The following IRX3 variants were observed in gnomAD, a reference collection of about 807,000 sequenced individuals.
IRX3 encodes the protein iroquois homeobox 3.
IRX3 carries 20 observed loss-of-function variants against 36.4 expected under a neutral mutation model. The observed-to-expected ratio is 0.55, with a 90% CI of 0.39 to 0.80. The LOEUF is 0.80. IRX3 is among the 30% of genes least tolerant of loss of function. The pLI is 0.00. For missense variants in IRX3, 718 were observed against 733.2 expected (o/e 0.98, Z 0.24); for synonymous variants, 404 against 351.6 (o/e 1.15, Z -1.67).
In IRX3 at chr16:54,283,666, T is replaced by G; in HGVS notation, c.*20A>C. 1 of 1,189,642 alleles carries G rather than the reference T, an allele frequency of 8.4e-7. No individual in the cohort carries two copies. Among genetic ancestry groups the G allele is most frequent in the Non-Finnish European group, 1.2e-6 (1 of 806,556 alleles). The allele number at this position is 1,189,642 out of a possible 1,614,324, so 73.7% of individuals were successfully genotyped here. A position where few individuals can be genotyped will look rare whatever the true frequency, so the allele number is the denominator to read the frequency against. ...ACGATTAAAAAAAGTTTTTTTTGTT[T>G]TTTTGTTTTTTTTAAAGAACTAGGA... On this transcript the variant is annotated 3_prime_UTR_variant, in exon 4 of 4. Coordinates refer to ENST00000329734, the MANE Select transcript of IRX3 (RefSeq NM_024336.3). This position sits in a 1 kb window ranked among gnomAD's most constrained non-coding sequence, Gnocchi z 4.4.
Position 54,283,949 on chromosome 16 carries a change from G to A in IRX3, c.1452-209C>T, listed in dbSNP as rs1901239873. 2.0e-6 allele frequency: 2 copies of A among 985,246 alleles called. No individual in the cohort carries two copies. Among genetic ancestry groups the A allele is most frequent in the Admixed American group, 6.1e-5 (1 of 16,268 alleles). The allele number at this position is 985,246 out of a possible 1,614,324, so 61.0% of individuals were successfully genotyped here. ...CCGAGGTCTGGGGCTGGAAAGAGGT[G>A]GGCGTCAGAGAACCGCCACCCGCCC... is the stretch of plus-strand genomic sequence containing the variant. On this transcript the variant is annotated intron_variant, in intron 3 of 3. Coordinates refer to ENST00000329734, the MANE Select transcript of IRX3 (RefSeq NM_024336.3). The surrounding 1 kb of genome is among the most constrained non-coding windows in gnomAD (Gnocchi z 4.4).
rs1901246601 is a variant in IRX3 at position 54,284,058 on chromosome 16, G to A, written c.1451+188C>T. 1 of 1,244,988 alleles carries A rather than the reference G, an allele frequency of 8.0e-7. No homozygotes were observed. Among genetic ancestry groups the A allele is most frequent in the Non-Finnish European group, 1.1e-6 (1 of 924,826 alleles). The allele number at this position is 1,244,988 out of a possible 1,614,324, so 77.1% of individuals were successfully genotyped here. A position where few individuals can be genotyped will look rare whatever the true frequency, so the allele number is the denominator to read the frequency against. Reference sequence around the variant, plus strand: ...CTCCGGCCGCGCCTGGGGTGCCTGGGCTGGACCTGGAGAGCTGTCGCAGGG... The same window carrying A: ...CTCCGGCCGCGCCTGGGGTGCCTGGACTGGACCTGGAGAGCTGTCGCAGGG... On this transcript the variant is annotated intron_variant, in intron 3 of 3. Coordinates refer to ENST00000329734, the MANE Select transcript of IRX3 (RefSeq NM_024336.3). The surrounding 1 kb of genome is among the most constrained non-coding windows in gnomAD (Gnocchi z 4.0).
rs1322752662 is a variant in IRX3, at chr16:54,285,740, G to A, written c.267+44C>T. The A allele has an allele frequency of 3.4e-6, 5 of 1,481,734 alleles. No homozygotes were observed. The East Asian group carries it at 7.2e-5, about 21-fold the overall frequency. The allele number at this position is 1,481,734 out of a possible 1,614,324, so 91.8% of individuals were successfully genotyped here. On this transcript the variant is annotated intron_variant, in intron 1 of 3. Transcript: ENST00000329734. The surrounding 1 kb of genome is among the most constrained non-coding windows in gnomAD (Gnocchi z 5.7). ...CCCCCGCGCGCTCAGCTCGCCCTGC[G>A]CCCCAGCGCCAACCCCTCCTTCCCT...
Position 54,285,505 on chromosome 16 carries a change from C to T in IRX3, c.376G>A (p.Gly126Arg). Residue 126 changes from glycine to arginine, a missense_variant, in exon 2 of 4, where the codon GGG becomes AGG. Around this residue, in one of 3 missense-constraint regions of IRX3, gnomAD observed 46 missense variants for 89.7 expected, o/e 0.51. Coordinates refer to ENST00000329734, the MANE Select transcript of IRX3 (RefSeq NM_024336.3). The surrounding 1 kb of genome is among the most constrained non-coding windows in gnomAD (Gnocchi z 5.7). The stretch of plus-strand genomic sequence containing the variant: ...GCGTTCTTGGGACGGGACGGGTCCC[C>T]GAACTGGTACTGGCCATACGGGTAG... The part of the protein sequence containing the change: ...AFYPYGQYQF[G>R]DPSRPKNATR... 3 of 1,614,024 alleles carry T rather than the reference C, an allele frequency of 1.9e-6. No homozygotes were observed. The highest frequency in any genetic ancestry group is 2.5e-6 in the Non-Finnish European group (3 of 1,179,980).
Position 54,284,849 on chromosome 16 carries a change from C to A in IRX3, c.1032G>T (p.Leu344=). ...CAPAPAPASA[L]QKPKIWSLAE... Reference sequence around the variant, plus strand: ...CGAGGGACCAGATCTTGGGCTTCTGCAGGGCGGAGGCGGGGGCTGGTGCGG... The same window carrying A: ...CGAGGGACCAGATCTTGGGCTTCTGAAGGGCGGAGGCGGGGGCTGGTGCGG... The change falls in exon 2 of 4, where the codon CTG becomes CTT. Residue 344 remains leucine (L), a synonymous_variant. Coordinates refer to ENST00000329734, the MANE Select transcript of IRX3 (RefSeq NM_024336.3). This position sits in a 1 kb window ranked among gnomAD's most constrained non-coding sequence, Gnocchi z 4.0. The A allele has an allele frequency of 1.3e-6, 2 of 1,541,790 alleles. No homozygotes were observed. Among genetic ancestry groups the A allele is most frequent in the Non-Finnish European group, 8.7e-7 (1 of 1,147,696 alleles).
chr16:54,285,519 C>A lies in IRX3; in HGVS notation c.362G>T (p.Gly121Val). 1 of 1,613,490 alleles carries A rather than the reference C, an allele frequency of 6.2e-7. No individual in the cohort carries two copies. The highest frequency in any genetic ancestry group is 8.5e-7 in the Non-Finnish European group (1 of 1,179,670). Residue 121 changes from glycine (G) to valine (V), a missense_variant, in exon 2 of 4, where the codon GGC (glycine) becomes GTC (valine). Around this residue, in one of 3 missense-constraint regions of IRX3, gnomAD observed 204 missense variants for 181.4 expected, o/e 1.12. Coordinates refer to ENST00000329734, the MANE Select transcript of IRX3 (RefSeq NM_024336.3). This position sits in a 1 kb window ranked among gnomAD's most constrained non-coding sequence, Gnocchi z 5.7. ...GGACGGGTCCCCGAACTGGTACTGG[C>A]CATACGGGTAGAAGGCGGGGTGCGG... ...PHPHPAFYPY[G>V]QYQFGDPSRP...
rs779760558 is a variant in IRX3 at position 54,285,650 on chromosome 16, G to A, written c.268-37C>T. 15 of 1,477,690 alleles carry A rather than the reference G, an allele frequency of 1.0e-5. No individual in the cohort carries two copies. Among genetic ancestry groups the A allele is most frequent in the Non-Finnish European group, 1.3e-5 (15 of 1,115,400 alleles). 91.5% of individuals were successfully genotyped at this position (1,477,690 alleles called of 1,614,324 possible). Reference sequence around the variant, plus strand: ...TGGAGAAGGAAGGGACACGCGCGGAGGGAGCGCGAGTGAGCCCCAGCCATC... The same window carrying A: ...TGGAGAAGGAAGGGACACGCGCGGAAGGAGCGCGAGTGAGCCCCAGCCATC... On this transcript the variant is annotated intron_variant, in intron 1 of 3. Coordinates refer to ENST00000329734, the MANE Select transcript of IRX3 (RefSeq NM_024336.3). This position sits in a 1 kb window ranked among gnomAD's most constrained non-coding sequence, Gnocchi z 5.7.
chr16:54,284,717 G>T lies in IRX3; in HGVS notation c.1164C>A (p.Ala388=). The T allele has an allele frequency of 7.0e-7, 1 of 1,430,124 alleles. No individual in the cohort carries two copies. The highest frequency in any genetic ancestry group is 9.1e-7 in the Non-Finnish European group (1 of 1,104,832). The allele number at this position is 1,430,124 out of a possible 1,614,324, so 88.6% of individuals were successfully genotyped here. A position where few individuals can be genotyped will look rare whatever the true frequency, so the allele number is the denominator to read the frequency against. The change falls in exon 2 of 4, where the codon GCC becomes GCA. Residue 388 remains alanine, a synonymous_variant. Transcript: ENST00000329734. The surrounding 1 kb of genome is among the most constrained non-coding windows in gnomAD (Gnocchi z 4.0). ...VAPSALQLSP[A]AAAAAAHRLV... ...GTCTGTGAGCGGCGGCGGCGGCGGCGGCCGGAGAGAGCTGCAGGGCGGAAG... is the reference window on the plus strand; with the variant it reads ...GTCTGTGAGCGGCGGCGGCGGCGGCTGCCGGAGAGAGCTGCAGGGCGGAAG...
In IRX3 at chr16:54,284,040, C is replaced by T; in HGVS notation, c.1451+206G>A. The T allele has an allele frequency of 7.5e-7, 1 of 1,340,208 alleles. No individual in the cohort carries two copies. The highest frequency in any genetic ancestry group is 9.9e-7 in the Non-Finnish European group (1 of 1,013,490). The allele number at this position is 1,340,208 out of a possible 1,614,324, so 83.0% of individuals were successfully genotyped here. A position where few individuals can be genotyped will look rare whatever the true frequency, so the allele number is the denominator to read the frequency against. On this transcript the variant is annotated intron_variant, in intron 3 of 3. Transcript: ENST00000329734. The surrounding 1 kb of genome is among the most constrained non-coding windows in gnomAD (Gnocchi z 4.0). ...AGGTACAAGCGCTGTACCCTCCGGC[C>T]GCGCCTGGGGTGCCTGGGCTGGACC...
chr16:54,285,829 G>A lies in IRX3; in HGVS notation c.222C>T (p.Gly74=). Residue 74 remains glycine, a synonymous_variant, in exon 1 of 4, where the codon GGC becomes GGT. Coordinates refer to ENST00000329734, the MANE Select transcript of IRX3 (RefSeq NM_024336.3). The surrounding 1 kb of genome is among the most constrained non-coding windows in gnomAD (Gnocchi z 5.7). ...GCTCCGCGGCGTAGGGCAGGAAGGC[G>A]CCGTAGCCTTGGGCGGCGGCGGCCG... The part of the protein sequence containing the change: ...AAAAAAAQGY[G]AFLPYAAELP... The A allele has an allele frequency of 1.9e-6, 3 of 1,564,534 alleles. No homozygotes were observed. Among genetic ancestry groups the A allele is most frequent in the Non-Finnish European group, 1.7e-6 (2 of 1,159,638 alleles).
rs1901331252 is a variant in IRX3, at chr16:54,286,057, C to T, written c.-7G>A. On this transcript the variant is annotated 5_prime_UTR_variant, in exon 1 of 4. Coordinates refer to ENST00000329734, the MANE Select transcript of IRX3 (RefSeq NM_024336.3). ...CCAGCTGGGGGAAGGACATGGTGGC[C>T]CGCGGGGCACGGACGGAGAGGGGGG... The T allele has an allele frequency of 1.6e-6, 2 of 1,271,360 alleles. No homozygotes were observed. 78.8% of individuals were successfully genotyped at this position (1,271,360 alleles called of 1,614,324 possible). A position where few individuals can be genotyped will look rare whatever the true frequency, so the allele number is the denominator to read the frequency against.
Position 54,284,403 on chromosome 16 carries a change from G to C in IRX3, c.1385-91C>G. 2 of 1,452,950 alleles carry C rather than the reference G, an allele frequency of 1.4e-6. No homozygotes were observed. Among genetic ancestry groups the C allele is most frequent in the Middle Eastern group, 2.4e-4 (1 of 4,242 alleles). The allele number at this position is 1,452,950 out of a possible 1,614,324, so 90.0% of individuals were successfully genotyped here. A position where few individuals can be genotyped will look rare whatever the true frequency, so the allele number is the denominator to read the frequency against. On this transcript the variant is annotated intron_variant, in intron 2 of 3. Transcript: ENST00000329734. This position sits in a 1 kb window ranked among gnomAD's most constrained non-coding sequence, Gnocchi z 4.0. ...AGAAAGCAGGAGTGGAGAGGGACGC[G>C]CGCCCTGCGCCCCCCGGGCCCTGCC...
chr16:54,285,819 G>A lies in IRX3; in HGVS notation c.232C>T (p.Pro78Ser), dbSNP rs758327688. ...AAGATGGGCAGCTCCGCGGCGTAGG[G>A]CAGGAAGGCGCCGTAGCCTTGGGCG... ...AAAQGYGAFL[P>S]YAAELPIFPQ... The change falls in exon 1 of 4, where the codon CCC (proline) becomes TCC (serine). Residue 78 changes from proline (P) to serine (S), a missense_variant. By Grantham distance (74) the Pro-to-Ser change is moderately conservative. Coordinates refer to ENST00000329734, the MANE Select transcript of IRX3 (RefSeq NM_024336.3). The surrounding 1 kb of genome is among the most constrained non-coding windows in gnomAD (Gnocchi z 5.7). The A allele has an allele frequency of 1.3e-6, 2 of 1,565,756 alleles. No homozygotes were observed. The highest frequency in any genetic ancestry group is 1.7e-6 in the Non-Finnish European group (2 of 1,160,936).
chr16:54,283,946 G>C lies in IRX3; in HGVS notation c.1452-206C>G, dbSNP rs1454882985. 3.0e-6 allele frequency: 3 copies of C among 985,272 alleles called. No homozygotes were observed. The African/African-American group carries it at 5.2e-5, about 17-fold the overall frequency. 61.0% of individuals were successfully genotyped at this position (985,272 alleles called of 1,614,324 possible). ...GACCCGAGGTCTGGGGCTGGAAAGA[G>C]GTGGGCGTCAGAGAACCGCCACCCG... On this transcript the variant is annotated intron_variant, in intron 3 of 3. Transcript: ENST00000329734. The surrounding 1 kb of genome is among the most constrained non-coding windows in gnomAD (Gnocchi z 4.4).
rs1596760838 is a variant in IRX3 at position 54,286,267 on chromosome 16, G to T, written c.-217C>A. On this transcript the variant is annotated 5_prime_UTR_variant, in exon 1 of 4. In the 5' UTR this introduces an upstream ATG that the reference lacks. Coordinates refer to ENST00000329734, the MANE Select transcript of IRX3 (RefSeq NM_024336.3). Reference sequence around the variant, plus strand: ...CGAGGAGCCAGGTCAGGTCCGAACAGATTGGCGGAGATTCCCGGGGCTCCG... The same window carrying T: ...CGAGGAGCCAGGTCAGGTCCGAACATATTGGCGGAGATTCCCGGGGCTCCG... The T allele has an allele frequency of 1.0e-5, 10 of 1,003,912 alleles. No individual in the cohort carries two copies. In the South Asian group the frequency reaches 2.3e-4, roughly 23 times the overall value. The allele number at this position is 1,003,912 out of a possible 1,614,324, so 62.2% of individuals were successfully genotyped here.
At position 54,284,677 on chromosome 16, in the gene IRX3, G is replaced by C; in HGVS notation, c.1204C>G (p.Leu402Val). 1 of 1,402,646 alleles carries C rather than the reference G, an allele frequency of 7.1e-7. No individual in the cohort carries two copies. Among genetic ancestry groups the C allele is most frequent in the Non-Finnish European group, 9.2e-7 (1 of 1,091,842 alleles). The allele number at this position is 1,402,646 out of a possible 1,614,324, so 86.9% of individuals were successfully genotyped here. ...TTGGTCCAAGCCGGGAACTTGCCCAGCGGCGCTGAGACCAGTCTGTGAGCG... is the reference window on the plus strand; with the variant it reads ...TTGGTCCAAGCCGGGAACTTGCCCACCGGCGCTGAGACCAGTCTGTGAGCG... ...AAAHRLVSAP[L>V]GKFPAWTNRP... Residue 402 changes from leucine to valine, a missense_variant, in exon 2 of 4, where the codon CTG becomes GTG. Coordinates refer to ENST00000329734, the MANE Select transcript of IRX3 (RefSeq NM_024336.3). This position sits in a 1 kb window ranked among gnomAD's most constrained non-coding sequence, Gnocchi z 4.0.
In IRX3 at chr16:54,284,294, T is replaced by G. The variant is rs1239633791; in HGVS notation, c.1403A>C (p.Glu468Ala). Residue 468 changes from glutamate (E) to alanine (A), a missense_variant, in exon 3 of 4, where the codon GAA becomes GCA. Glu to Ala is a moderately radical substitution (Grantham distance 107, BLOSUM62 -1). This residue lies in a region of IRX3 where 468 missense variants were observed against 462.1 expected (regional missense o/e 1.01). Coordinates refer to ENST00000329734, the MANE Select transcript of IRX3 (RefSeq NM_024336.3). The surrounding 1 kb of genome is among the most constrained non-coding windows in gnomAD (Gnocchi z 4.0). ...EGGTDRCSAL[E>A]VEKKLLKTAF... ...TGTCTTGAGTAACTTTTTCTCCACT[T>G]CCAAGGCACTACAGCGATCTAAGGG... is the stretch of plus-strand genomic sequence containing the variant. 5 of 1,611,562 alleles carry G rather than the reference T, an allele frequency of 3.1e-6. No individual in the cohort carries two copies. Among genetic ancestry groups the G allele is most frequent in the African/African-American group, 1.3e-5 (1 of 74,692 alleles).
rs1596757847 is a variant in IRX3, at chr16:54,284,433, C to G, written c.1384+64G>C. Reference sequence around the variant, plus strand: ...CTGCGCCCCCCGGGCCCTGCCCCTCCCGGCCAGCTCCGGCACTACCCGCAG... The same window carrying G: ...CTGCGCCCCCCGGGCCCTGCCCCTCGCGGCCAGCTCCGGCACTACCCGCAG... On this transcript the variant is annotated intron_variant, in intron 2 of 3. Transcript: ENST00000329734. This position sits in a 1 kb window ranked among gnomAD's most constrained non-coding sequence, Gnocchi z 4.0. 7.1e-7 allele frequency: 1 copy of G among 1,407,862 alleles called. No homozygotes were observed. The highest frequency in any genetic ancestry group is 3.0e-5 in the East Asian group (1 of 33,580). 87.2% of individuals were successfully genotyped at this position (1,407,862 alleles called of 1,614,324 possible).
At position 54,283,916 on chromosome 16, in the gene IRX3, G is replaced by T. The variant is rs562397562; in HGVS notation, c.1452-176C>A. 198 of 985,398 alleles carry T rather than the reference G, an allele frequency of 2.0e-4. No homozygotes were observed. The African/African-American group carries it at 3.2e-3, about 16-fold the overall frequency. The allele number at this position is 985,398 out of a possible 1,614,324, so 61.0% of individuals were successfully genotyped here. ...TTTAACTGTAGGGTGGGCACGAGGC[G>T]TCAGGACCCGAGGTCTGGGGCTGGA... On this transcript the variant is annotated intron_variant, in intron 3 of 3. Coordinates refer to ENST00000329734, the MANE Select transcript of IRX3 (RefSeq NM_024336.3). The surrounding 1 kb of genome is among the most constrained non-coding windows in gnomAD (Gnocchi z 4.4).
Sources: allele counts gnomAD v4.1 joint callset, GRCh38; gene constraint gnomAD v4.1.1; regional missense constraint gnomAD v4.1.1; non-coding constraint Gnocchi (gnomAD v3.1); transcripts MANE v1.5; gene names NCBI Gene and HGNC (gene_info 2026-07-23, HGNC 2026-07-21).